Variants in PI4KA observed in about 807,000 individuals in gnomAD.
PI4KA encodes phosphatidylinositol 4-kinase alpha.
Under a neutral mutation model 271.4 loss-of-function variants are expected in PI4KA, and 122 were observed. The ratio of observed to expected loss-of-function variants is 0.45; its 90% CI spans 0.39 to 0.52. The LOEUF (loss-of-function observed/expected upper bound fraction) is 0.52. PI4KA is among the 20% of genes least tolerant of loss of function. The pLI, the probability that PI4KA is intolerant of heterozygous loss-of-function variation, is 0.00. For synonymous variants in PI4KA, 1,041 were observed against 1,078.8 expected, an observed-to-expected ratio of 0.96 and a Z score of 0.69; for missense variants, 1,969 against 2,769.1, an observed-to-expected ratio of 0.71 and a Z score of 6.48.
chr22:20,799,272 C>G lies in PI4KA; in HGVS notation c.1825G>C (p.Ala609Pro). 6.6e-7 allele frequency: 1 copy of G among 1,520,564 alleles called. No homozygotes were observed. The highest frequency in any genetic ancestry group is 8.8e-7 in the Non-Finnish European group (1 of 1,137,182). 94.2% of individuals were successfully genotyped at this position (1,520,564 alleles called of 1,614,324 possible). Residue 609 changes from alanine (A) to proline (P), a missense_variant, in exon 16 of 55, where the codon GCT becomes CCT. Ala to Pro is a conservative substitution (Grantham distance 27). Coordinates refer to ENST00000255882, the MANE Select transcript of PI4KA (RefSeq NM_058004.4). Reference protein sequence around the residue: ...LYISQESDKDAHLIPDHTIRA... With the variant: ...LYISQESDKDPHLIPDHTIRA... The stretch of plus-strand genomic sequence containing the variant: ...ATTGTGTGGTCGGGAATCAAGTGAG[C>G]GTCCCTACAGAAGGAAGAACAGAAG...
At chr22:20,720,118 C>T (rs1393460246) in intron 43 of PI4KA, among the ~76,000 whole-genome samples, 2 of 150,198 alleles carry the variant, frequency 1.3e-5, no homozygotes, top group Non-Finnish European at 3.0e-5. Context: ...AGAAATGCAT[C>T]AACCTTTGAA....
intron 19 of PI4KA, chr22:20,783,936 C>A (rs752340961): frequency 2.5e-6 from 4 of 1,613,842 alleles, no homozygotes; most frequent in Admixed American, 1.7e-5. Flanking sequence ...CCTAAAGGAA[C>A]CTTCTCATAA....
intron 32 of PI4KA, among the ~76,000 whole-genome samples, chr22:20,737,950 G>A (rs1371551751): frequency 6.6e-6 from 1 of 152,132 alleles, no homozygotes; most frequent in Non-Finnish European, 1.5e-5. Flanking sequence ...CTACTCTTAA[G>A]GCCCACCGAG....
chr22:20,746,164 A>C (rs992627869), intron 29 of PI4KA, among the ~76,000 whole-genome samples: 1 of 138,464 alleles, frequency 7.2e-6, no homozygotes. Flanking sequence ...CCGGGTTCAC[A>C]CCATTCTCCT....
At chr22:20,731,887 C>T (rs1928101059) in intron 36 of PI4KA, among the ~76,000 whole-genome samples, 1 of 150,878 alleles carries the variant, frequency 6.6e-6, no homozygotes, top group Non-Finnish European at 1.5e-5. Context: ...GGAGACTGCA[C>T]CACTGCATTC....
intron 29 of PI4KA, among the ~76,000 whole-genome samples, chr22:20,744,955 G>A (rs1181498059): frequency 6.6e-6 from 1 of 152,128 alleles, no homozygotes; most frequent in Non-Finnish European, 1.5e-5. Flanking sequence ...TCTGCTACTG[G>A]TAAATAGGCC....
At chr22:20,812,994 G>A (rs373766367) in intron 8 of PI4KA, among the ~76,000 whole-genome samples, 17 of 152,238 alleles carry the variant, frequency 1.1e-4, no homozygotes, top group African/African-American at 4.1e-4. Flanking sequence ...CCCAAATAGA[G>A]CCACCCCTTA....
At chr22:20,795,183 TTC>T (rs1349899542) in intron 18 of PI4KA, among the ~76,000 whole-genome samples, 1 of 151,632 alleles carries the variant, frequency 6.6e-6, no homozygotes, top group Non-Finnish European at 1.5e-5. Context: ...CCCCGACTTT[TTC>T]TTTTTTTTCC....
At chr22:20,731,711 C>T (rs1372985706) in intron 36 of PI4KA, among the ~76,000 whole-genome samples, 8 of 152,142 alleles carry the variant, frequency 5.3e-5, no homozygotes, top group South Asian at 2.1e-4. Context: ...GGGCAGATCA[C>T]GAGGTCAGGA....
At chr22:20,764,236 C>T (rs9608386) in intron 22 of PI4KA, among the ~76,000 whole-genome samples, 57,894 of 151,902 alleles carry the variant, frequency 0.38, 11,538 homozygotes, top group African/African-American at 0.48. Flanking sequence ...TCGGGGAGTG[C>T]GTAAACATGT....
At chr22:20,810,832 G>A (rs1935961488) in intron 9 of PI4KA, 135 bp downstream of exon 9, 1 of 737,842 alleles carries the variant, frequency 1.4e-6, no homozygotes, top group Non-Finnish European at 2.4e-6. Flanking sequence ...CAGGTGGATT[G>A]TTACCACATG....
Position 20,858,761 on chromosome 22 carries a change from C to G in PI4KA, c.-36G>C, listed in dbSNP as rs774018477. The G allele has an allele frequency of 1.8e-5, 25 of 1,363,634 alleles. No homozygotes were observed. The highest frequency in any genetic ancestry group is 1.3e-4 in the South Asian group (8 of 62,782). The allele number at this position is 1,363,634 out of a possible 1,614,324, so 84.5% of individuals were successfully genotyped here. A position where few individuals can be genotyped will look rare whatever the true frequency, so the allele number is the denominator to read the frequency against. Reference sequence around the variant, plus strand: ...GCCGCGGCGCTGCCCGCCGGCTCCCCGCTCCTGGCCCGCGAGCGCCCGACC... The same window carrying G: ...GCCGCGGCGCTGCCCGCCGGCTCCCGGCTCCTGGCCCGCGAGCGCCCGACC... On this transcript the variant is annotated 5_prime_UTR_variant, in exon 1 of 55. Coordinates refer to ENST00000255882, the MANE Select transcript of PI4KA (RefSeq NM_058004.4).
intron 1 of PI4KA, among the ~76,000 whole-genome samples, chr22:20,857,158 T>C (rs1927700905): frequency 6.6e-6 from 1 of 152,334 alleles, no homozygotes; most frequent in East Asian, 1.9e-4. Context: ...TACTACCTTG[T>C]ATTTGACAGA....
chr22:20,771,385 T>C, intron 19 of PI4KA, among the ~76,000 whole-genome samples: 1 of 148,206 alleles, frequency 6.7e-6, no homozygotes. Flanking sequence ...ATTGCGCCAC[T>C]GCACTCCAGC....
chr22:20,806,174 G>C (rs1375295051), intron 10 of PI4KA, among the ~76,000 whole-genome samples: 1 of 152,054 alleles, frequency 6.6e-6, no homozygotes, highest in Admixed American at 6.5e-5. Flanking sequence ...ACTAAATTTT[G>C]GTATACCTTC....
intron 1 of PI4KA, among the ~76,000 whole-genome samples, chr22:20,839,075 G>A (rs989311293): frequency 6.6e-6 from 1 of 152,178 alleles, no homozygotes; most frequent in African/African-American, 2.4e-5. Flanking sequence ...AAATTAGCCA[G>A]GCGTGGTGGC....
intron 3 of PI4KA, among the ~76,000 whole-genome samples, chr22:20,828,409 G>A (rs165669): frequency 0.49 from 74,007 of 151,920 alleles, 18,540 homozygotes; most frequent in African/African-American, 0.59. Context: ...GGAGAGGTGA[G>A]AGAGGGCATC....
intron 19 of PI4KA, among the ~76,000 whole-genome samples, chr22:20,771,564 G>GATTT (rs1932874522): frequency 7.9e-6 from 1 of 125,946 alleles, no homozygotes; most frequent in African/African-American, 3.0e-5. Flanking sequence ...AAATATGTTG[G>GATTT]CTTTATTTAT....
chr22:20,820,490 A>G (rs1335567540), intron 5 of PI4KA, 49 bp downstream of exon 5: 1 of 1,202,166 alleles, frequency 8.3e-7, no homozygotes, highest in Non-Finnish European at 1.2e-6. Flanking sequence ...AAGCAAGGGA[A>G]AGAGTAACCA....
Sources: gnomAD v4.1 joint callset for allele counts (sites outside exome capture counted in the v4.1 genomes callset) on GRCh38, gnomAD v4.1.1 for gene constraint, MANE v1.5 for transcripts, NCBI Gene and HGNC (gene_info 2026-07-23, HGNC 2026-07-21) for gene names.